The following BLM variants were observed in gnomAD, a reference collection of about 807,000 sequenced individuals.
The protein encoded by BLM is recQ-like DNA helicase BLM.
BLM carries 95 observed loss-of-function variants against 135.3 expected under a neutral mutation model. That is an observed-to-expected ratio of 0.70 (90% CI 0.59 to 0.83). The LOEUF is 0.83. BLM is among the 40% of genes least tolerant of loss of function. The pLI, the probability that BLM is intolerant of heterozygous loss-of-function variation, is 0.00. For missense variants in BLM, 1,518 were observed against 1,663.9 expected (o/e 0.91, Z 1.53); for synonymous variants, 520 against 589.2 (o/e 0.88, Z 1.70).
chr15:90,766,891 T>A lies in BLM; in HGVS notation c.2194-19T>A. ...GGTTAATGTATAAAATTGAAATTGT[T>A]TACTACTTTTATACTTAGATTCCAG... On this transcript the variant is annotated intron_variant, in intron 9 of 21. Transcript: ENST00000355112. 6.8e-7 allele frequency: 1 copy of A among 1,465,908 alleles called. No homozygotes were observed. Among genetic ancestry groups the A allele is most frequent in the South Asian group, 1.2e-5 (1 of 86,358 alleles). The allele number at this position is 1,465,908 out of a possible 1,614,324, so 90.8% of individuals were successfully genotyped here.
intron 1 of BLM, among the ~76,000 whole-genome samples, chr15:90,729,493 T>G (rs907566560): frequency 6.6e-6 from 1 of 152,128 alleles, no homozygotes; most frequent in African/African-American, 2.4e-5. Flanking sequence ...TTAGAGACTA[T>G]TCGTATTCCT....
intron 12 of BLM, among the ~76,000 whole-genome samples, chr15:90,772,786 T>A (rs1285518741): frequency 1.3e-5 from 2 of 152,074 alleles, no homozygotes; most frequent in Non-Finnish European, 2.9e-5. Flanking sequence ...CACTGGGCAT[T>A]GTAGGAGGAG....
intron 12 of BLM, among the ~76,000 whole-genome samples, chr15:90,780,534 G>A (rs1472815935): frequency 6.6e-6 from 1 of 152,186 alleles, no homozygotes; most frequent in East Asian, 1.9e-4. Flanking sequence ...TTTCTTGTCT[G>A]TGGGAGCATT....
At position 90,777,177 on chromosome 15, in the gene BLM, G is replaced by T. The variant is rs189753834; in HGVS notation, c.2556-5645G>T. ...TTCCTTTTCTTTTTTGAGGGGGGTG[G>T]GGGGAATGGAGTTTCACTCTTGTTG... is the stretch of plus-strand genomic sequence containing the variant. On this transcript the variant is annotated intron_variant, in intron 12 of 21. Transcript: ENST00000355112. Among the ~76,000 whole-genome samples, 71 of 151,684 alleles carry T rather than the reference G, an allele frequency of 4.7e-4. No individual in the cohort carries two copies. The East Asian group carries it at 0.011, about 24-fold the overall frequency.
At chr15:90,798,758 G>A (rs1344095079) in intron 17 of BLM, among the ~76,000 whole-genome samples, 1 of 152,048 alleles carries the variant, frequency 6.6e-6, no homozygotes, top group Admixed American at 6.6e-5. Flanking sequence ...GAGGCGGGCG[G>A]ATCACCTGAG....
chr15:90,755,037 T>C, intron 5 of BLM, 99 bp downstream of exon 5: 1 of 1,430,970 alleles, frequency 7.0e-7, no homozygotes, highest in Non-Finnish European at 9.5e-7. Flanking sequence ...CTGTATGTTA[T>C]AAAATGGCAG....
chr15:90,812,302 C>G (rs1374805277), intron 21 of BLM, among the ~76,000 whole-genome samples: 19 of 152,102 alleles, frequency 1.2e-4, no homozygotes, highest in Non-Finnish European at 2.5e-4. Flanking sequence ...TTCAGTCAAG[C>G]CAGGCCTCTT....
At chr15:90,743,150 C>A (rs1252468043) in intron 1 of BLM, among the ~76,000 whole-genome samples, 1 of 151,492 alleles carries the variant, frequency 6.6e-6, no homozygotes, top group Non-Finnish European at 1.5e-5. Context: ...GTGTGTGCCA[C>A]CATGCCTGGC....
At chr15:90,805,371 T>G (rs899032664) in intron 19 of BLM, among the ~76,000 whole-genome samples, 1 of 151,982 alleles carries the variant, frequency 6.6e-6, no homozygotes, top group Non-Finnish European at 1.5e-5. Flanking sequence ...CTCGGGAGGT[T>G]GAGGCAGGAA....
intron 13 of BLM, among the ~76,000 whole-genome samples, chr15:90,783,624 G>A (rs1047935309): frequency 2.6e-5 from 4 of 152,126 alleles, no homozygotes; most frequent in Admixed American, 2.0e-4. Context: ...ATATGGCCAG[G>A]CACTGTGGTT....
chr15:90,722,657 G>C (rs951630150), intron 1 of BLM, among the ~76,000 whole-genome samples: 1 of 152,006 alleles, frequency 6.6e-6, no homozygotes, highest in Non-Finnish European at 1.5e-5. Flanking sequence ...AAATTACAAA[G>C]TTTAGTTATG....
At chr15:90,751,189 G>C (rs1895673122) in intron 3 of BLM, among the ~76,000 whole-genome samples, 1 of 152,208 alleles carries the variant, frequency 6.6e-6, no homozygotes, top group East Asian at 1.9e-4. Context: ...GCAAATATGA[G>C]AGTAAAATTT....
chr15:90,737,980 T>C (rs35787687), intron 1 of BLM, among the ~76,000 whole-genome samples: 41,620 of 152,052 alleles, frequency 0.27, 5,876 homozygotes, highest in East Asian at 0.44. Flanking sequence ...GGGGACATTA[T>C]AACTGATTTA....
chr15:90,776,480 A>G (rs1048459355), intron 12 of BLM, among the ~76,000 whole-genome samples: 1 of 152,156 alleles, frequency 6.6e-6, no homozygotes, highest in Non-Finnish European at 1.5e-5. Context: ...TATTTTTGAC[A>G]AAATACTTTT....
chr15:90,785,614 G>C (rs150687682), intron 14 of BLM, among the ~76,000 whole-genome samples: 2 of 149,282 alleles, frequency 1.3e-5, no homozygotes, highest in Non-Finnish European at 3.0e-5. Flanking sequence ...AGAGATCTTC[G>C]CTTACTGCAA....
chr15:90,812,972 C>T (rs1464333974), intron 21 of BLM, among the ~76,000 whole-genome samples: 9 of 152,208 alleles, frequency 5.9e-5, no homozygotes, highest in Admixed American at 5.2e-4. Context: ...CTCATTTCCT[C>T]AGTAACTCAC....
chr15:90,804,711 TGCCTTA>T (rs1468698478), intron 19 of BLM, among the ~76,000 whole-genome samples: 1 of 152,144 alleles, frequency 6.6e-6, no homozygotes, highest in Admixed American at 6.5e-5. Flanking sequence ...GCAATCCTCC[TGCCTTA>T]GCCTGCCAGA....
At chr15:90,758,781 G>A (rs3784784) in intron 5 of BLM, among the ~76,000 whole-genome samples, 23,992 of 152,158 alleles carry the variant, frequency 0.16, 1,972 homozygotes, top group East Asian at 0.24. Context: ...CTTGGAAAAA[G>A]GGAGGTACTT....
chr15:90,729,962 C>T (rs1324119413), intron 1 of BLM, among the ~76,000 whole-genome samples: 1 of 152,172 alleles, frequency 6.6e-6, no homozygotes, highest in African/African-American at 2.4e-5. Flanking sequence ...TCTCCTGCCT[C>T]AACCTCCCAA....
Sources: gnomAD v4.1 joint callset for allele counts (sites outside exome capture counted in the v4.1 genomes callset) on GRCh38, gnomAD v4.1.1 for gene constraint, MANE v1.5 for transcripts, NCBI Gene and HGNC (gene_info 2026-07-23, HGNC 2026-07-21) for gene names.